Variants in SCUBE1 observed in about 807,000 individuals in gnomAD.
SCUBE1 encodes signal peptide, CUB domain and EGF like domain containing 1.
A neutral mutation model predicts 124.4 loss-of-function variants in SCUBE1; 59 were observed. That is an observed-to-expected ratio of 0.47 (90% CI 0.38 to 0.59). SCUBE1 has a LOEUF of 0.59. Ranked by LOEUF, SCUBE1 falls within the 20% of genes least tolerant of loss-of-function variation. The pLI is 0.00. For missense variants in SCUBE1, 1,150 were observed against 1,371.2 expected (o/e 0.84, Z 2.55); for synonymous variants, 545 against 550.9 (o/e 0.99, Z 0.15).
rs528731907 is a variant in SCUBE1 at position 43,285,766 on chromosome 22, C to A, written c.484+5280G>T. Reference sequence around the variant, plus strand: ...GACACCTCTGCAGGTGTACTCAAACCTCCGCAGGAAGGATGGGTGGTTGGG... The same window carrying A: ...GACACCTCTGCAGGTGTACTCAAACATCCGCAGGAAGGATGGGTGGTTGGG... On this transcript the variant is annotated intron_variant, in intron 4 of 21. Transcript: ENST00000360835. Among the ~76,000 whole-genome samples the A allele has an allele frequency of 2.0e-5, 3 of 152,308 alleles. No homozygotes were observed. In the South Asian group the frequency reaches 6.2e-4, roughly 32 times the overall value.
At chr22:43,269,942 G>T (rs889018386) in intron 4 of SCUBE1, among the ~76,000 whole-genome samples, 1 of 152,308 alleles carries the variant, frequency 6.6e-6, no homozygotes, top group African/African-American at 2.4e-5. Context: ...CATCAGGGCT[G>T]CCTGTGCGCC....
At chr22:43,251,520 C>T (rs1202046442) in intron 6 of SCUBE1, among the ~76,000 whole-genome samples, 3 of 152,134 alleles carry the variant, frequency 2.0e-5, no homozygotes, top group Admixed American at 1.3e-4. Flanking sequence ...CACAGGGGTC[C>T]TTGAGAGTAA....
intron 2 of SCUBE1, 29 bp downstream of exon 2, chr22:43,339,075 T>C (rs780813820): frequency 1.2e-6 from 2 of 1,611,926 alleles, no homozygotes. Flanking sequence ...AGCCTCAGGG[T>C]CTGCCCGGGA....
In SCUBE1 at chr22:43,260,215, C is replaced by T. The variant is rs73420097; in HGVS notation, c.611-1880G>A. On this transcript the variant is annotated intron_variant, in intron 5 of 21. Transcript: ENST00000360835. ...AAAGTGACTCTAATGAGGATGGAGG[C>T]CTGCCTGAGGCAACTCGAAGGGGAT... Among the ~76,000 whole-genome samples, 1,263 of 152,302 alleles carry T rather than the reference C, an allele frequency of 8.3e-3. 16 individuals carry two copies. Among genetic ancestry groups the T allele is most frequent in the African/African-American group, 0.029 (1,199 of 41,564 alleles).
chr22:43,260,520 G>A (rs1363632832), intron 5 of SCUBE1, among the ~76,000 whole-genome samples: 1 of 152,218 alleles, frequency 6.6e-6, no homozygotes, highest in Non-Finnish European at 1.5e-5. Flanking sequence ...CCCCAACCCA[G>A]CTTGAGATCT....
chr22:43,267,715 A>G (rs766072278), intron 4 of SCUBE1, among the ~76,000 whole-genome samples: 72 of 152,208 alleles, frequency 4.7e-4, no homozygotes, highest in Non-Finnish European at 9.8e-4. Flanking sequence ...GGCCCCACCC[A>G]CTGGAGCACC....
intron 4 of SCUBE1, among the ~76,000 whole-genome samples, chr22:43,286,657 T>A (rs186816988): frequency 4.2e-4 from 64 of 152,328 alleles, no homozygotes; most frequent in African/African-American, 1.4e-3. Context: ...CCTCAGCTCA[T>A]GACTGTACAG....
At position 43,201,825 on chromosome 22, in the gene SCUBE1, A is replaced by C. The variant is rs560867812; in HGVS notation, c.*2172T>G. On this transcript the variant is annotated 3_prime_UTR_variant, in exon 22 of 22. Coordinates refer to ENST00000360835, the MANE Select transcript of SCUBE1 (RefSeq NM_173050.5). ...GATTCTCTGGAGAACACTCGTGAAGAGGCGACACCCCTCCCGGCACCTTCC... is the reference window on the plus strand; with the variant it reads ...GATTCTCTGGAGAACACTCGTGAAGCGGCGACACCCCTCCCGGCACCTTCC... The C allele has an allele frequency of 2.6e-5, 4 of 152,280 alleles. No homozygotes were observed. The South Asian group carries it at 8.3e-4, about 32-fold the overall frequency. 9.4% of individuals were successfully genotyped at this position (152,280 alleles called of 1,614,324 possible). A position where few individuals can be genotyped will look rare whatever the true frequency, so the allele number is the denominator to read the frequency against.
intron 6 of SCUBE1, among the ~76,000 whole-genome samples, chr22:43,244,093 G>A (rs113616413): frequency 4.6e-4 from 70 of 152,190 alleles, no homozygotes; most frequent in African/African-American, 1.2e-3. Context: ...AGTGGCGGGG[G>A]GCATGAAATA....
chr22:43,327,818 T>C (rs1926776307), intron 2 of SCUBE1, among the ~76,000 whole-genome samples: 1 of 152,168 alleles, frequency 6.6e-6, no homozygotes, highest in Non-Finnish European at 1.5e-5. Flanking sequence ...ATTAAACAGA[T>C]ACTAACATTG....
rs766567452 is a variant in SCUBE1 at position 43,214,270 on chromosome 22, G to A, written c.1892-19C>T. The A allele has an allele frequency of 1.9e-6, 3 of 1,603,934 alleles. No homozygotes were observed. Among genetic ancestry groups the A allele is most frequent in the African/African-American group, 2.7e-5 (2 of 74,842 alleles). ...CAGGCAACTGCAGAGGCAAAGCGGAGAGGCTGCTGGAGGCAGAGGTGGGGA... is the reference window on the plus strand; with the variant it reads ...CAGGCAACTGCAGAGGCAAAGCGGAAAGGCTGCTGGAGGCAGAGGTGGGGA... On this transcript the variant is annotated intron_variant, in intron 15 of 21. Coordinates refer to ENST00000360835, the MANE Select transcript of SCUBE1 (RefSeq NM_173050.5).
intron 1 of SCUBE1, among the ~76,000 whole-genome samples, chr22:43,340,118 G>A (rs142982664): frequency 0.017 from 2,565 of 151,742 alleles, 34 homozygotes; most frequent in Middle Eastern, 0.041. Context: ...TCACCTGAAC[G>A]TGGGATCCCA....
chr22:43,276,889 G>A (rs894908146), intron 4 of SCUBE1, among the ~76,000 whole-genome samples: 1 of 152,176 alleles, frequency 6.6e-6, no homozygotes, highest in Non-Finnish European at 1.5e-5. Flanking sequence ...GCATGCTTTC[G>A]GTTCTCACGC....
chr22:43,258,421 G>A lies in SCUBE1; in HGVS notation c.611-86C>T, dbSNP rs944042484. ...GCCGGTGTTGGCGGCTGCCTTCAGG[G>A]TATGGGGAAACTGAGGCCTAAGGGC... On this transcript the variant is annotated intron_variant, in intron 5 of 21. Transcript: ENST00000360835. The surrounding 1 kb of genome is among the most constrained non-coding windows in gnomAD (Gnocchi z 5.0). 3.0e-6 allele frequency: 3 copies of A among 1,005,772 alleles called. No homozygotes were observed. Among genetic ancestry groups the A allele is most frequent in the East Asian group, 4.8e-5 (2 of 41,864 alleles). The allele number at this position is 1,005,772 out of a possible 1,614,324, so 62.3% of individuals were successfully genotyped here. A position where few individuals can be genotyped will look rare whatever the true frequency, so the allele number is the denominator to read the frequency against.
Position 43,211,476 on chromosome 22 carries a change from G to A in SCUBE1, c.2222-393C>T, listed in dbSNP as rs963305596. The stretch of plus-strand genomic sequence containing the variant: ...GCTGGGGCAGGAGAGACAGGCGGCC[G>A]GAGTCTGAGGGGTGCCGGGGCGGGG... On this transcript the variant is annotated intron_variant, in intron 17 of 21. Coordinates refer to ENST00000360835, the MANE Select transcript of SCUBE1 (RefSeq NM_173050.5). The surrounding 1 kb of genome is among the most constrained non-coding windows in gnomAD (Gnocchi z 4.5). Among the ~76,000 whole-genome samples, 7 of 152,002 alleles carry A rather than the reference G, an allele frequency of 4.6e-5. No individual in the cohort carries two copies. Among genetic ancestry groups the A allele is most frequent in the Admixed American group, 1.3e-4 (2 of 15,266 alleles).
chr22:43,246,875 G>A (rs1294598152), intron 6 of SCUBE1, among the ~76,000 whole-genome samples: 2 of 148,626 alleles, frequency 1.3e-5, no homozygotes, highest in Non-Finnish European at 3.0e-5. Context: ...TCGTGGGGAT[G>A]GGGGCGGGGC....
chr22:43,329,405 C>T (rs114904901), intron 2 of SCUBE1, among the ~76,000 whole-genome samples: 3,732 of 152,366 alleles, frequency 0.024, 149 homozygotes, highest in African/African-American at 0.084. Context: ...GGCCTGAGAT[C>T]TCCTGCCCCT....
chr22:43,325,697 C>A (rs996235843), intron 2 of SCUBE1, among the ~76,000 whole-genome samples: 1 of 152,060 alleles, frequency 6.6e-6, no homozygotes, highest in East Asian at 1.9e-4. Context: ...ATCCCTGTTC[C>A]TTCCCCTGCT....
intron 10 of SCUBE1, 112 bp from the exon 11 acceptor site, chr22:43,223,328 T>C (rs1601808551): frequency 2.4e-6 from 3 of 1,249,598 alleles, no homozygotes; most frequent in Admixed American, 2.9e-5. Flanking sequence ...CCTTCTTCCA[T>C]GGCTGGGCTG....
Sources: allele counts gnomAD v4.1 joint callset (sites outside exome capture counted in the v4.1 genomes callset), GRCh38; gene constraint gnomAD v4.1.1; non-coding constraint Gnocchi (gnomAD v3.1); transcripts MANE v1.5; gene names NCBI Gene and HGNC (gene_info 2026-07-23, HGNC 2026-07-21).